The following BTNL9 variants were observed in gnomAD, a reference collection of about 807,000 sequenced individuals.
BTNL9 encodes the protein butyrophilin like 9, also known as butyrophilin-like protein 9.
Under a neutral mutation model 45.8 loss-of-function variants are expected in BTNL9, and 45 were observed. The observed-to-expected ratio is 0.98, with a 90% confidence interval of 0.77 to 1.26. The LOEUF is 1.26. Ranked by LOEUF, BTNL9 falls within the 50% of genes most tolerant of loss-of-function variation. BTNL9 has a pLI of 0.00. For missense variants in BTNL9, 784 were observed against 729.7 expected, an observed-to-expected ratio of 1.07 and a Z score of -0.86; for synonymous variants, 346 against 330.8, an observed-to-expected ratio of 1.05 and a Z score of -0.50.
intron 9 of BTNL9, 79 bp downstream of exon 9, chr5:181,056,094 C>A: frequency 6.6e-7 from 1 of 1,519,634 alleles, no homozygotes; most frequent in Non-Finnish European, 9.1e-7. Context: ...ATTAACCAAT[C>A]AGGCTTCATT....
chr5:181,057,040 G>A (rs1196192249), intron 9 of BTNL9: 1 of 156,696 alleles, frequency 6.4e-6, no homozygotes, highest in Non-Finnish European at 1.4e-5. Context: ...GTGTGTGTGT[G>A]TGTGAGATTA....
rs184114719 is a variant in BTNL9, at chr5:181,045,439, G to A, written c.-23-28G>A. On this transcript the variant is annotated intron_variant, in intron 1 of 10. Transcript: ENST00000327705. Reference sequence around the variant, plus strand: ...CCAGCTCCCCCTACCTTTGCACGTCGCTCCAGCACCCCTTTGTCCCTCTCC... The same window carrying A: ...CCAGCTCCCCCTACCTTTGCACGTCACTCCAGCACCCCTTTGTCCCTCTCC... The A allele has an allele frequency of 3.2e-4, 388 of 1,228,164 alleles. 2 individuals are homozygous for A. Among genetic ancestry groups the A allele is most frequent in the Middle Eastern group, 1.5e-3 (8 of 5,368 alleles). 76.1% of individuals were successfully genotyped at this position (1,228,164 alleles called of 1,614,324 possible). A position where few individuals can be genotyped will look rare whatever the true frequency, so the allele number is the denominator to read the frequency against.
At position 181,060,618 on chromosome 5, in the gene BTNL9, G is replaced by T. The variant is rs929801547; in HGVS notation, c.*756G>T. Reference sequence around the variant, plus strand: ...CTTTTTAAAAAGGAGAAACAGGAAGGTTTCTTTTGGAGGTGAAATCTAATT... The same window carrying T: ...CTTTTTAAAAAGGAGAAACAGGAAGTTTTCTTTTGGAGGTGAAATCTAATT... On this transcript the variant is annotated 3_prime_UTR_variant, in exon 11 of 11. Coordinates refer to ENST00000327705, the MANE Select transcript of BTNL9 (RefSeq NM_152547.5). 6.6e-6 allele frequency: 1 copy of T among 152,206 alleles called. No homozygotes were observed. Among genetic ancestry groups the T allele is most frequent in the Admixed American group, 6.5e-5 (1 of 15,282 alleles). 9.4% of individuals were successfully genotyped at this position (152,206 alleles called of 1,614,324 possible).
intron 3 of BTNL9, among the ~76,000 whole-genome samples, chr5:181,048,890 A>G (rs1188127491): frequency 1.7e-5 from 1 of 57,526 alleles, no homozygotes; most frequent in African/African-American, 5.0e-5. Flanking sequence ...TATATCATAT[A>G]TATGATATAT....
At chr5:181,044,449 A>C (rs890289303) in intron 1 of BTNL9, among the ~76,000 whole-genome samples, 4 of 152,198 alleles carry the variant, frequency 2.6e-5, no homozygotes, top group Admixed American at 1.3e-4. Context: ...CAAGGGGTGC[A>C]GTCCCAGGAC....
In BTNL9 at chr5:181,060,786, C is replaced by T. The variant is rs1444743235; in HGVS notation, c.*924C>T. 1 of 152,156 alleles carries T rather than the reference C, an allele frequency of 6.6e-6. No homozygotes were observed. Among genetic ancestry groups the T allele is most frequent in the African/African-American group, 2.4e-5 (1 of 41,420 alleles). 9.4% of individuals were successfully genotyped at this position (152,156 alleles called of 1,614,324 possible). On this transcript the variant is annotated 3_prime_UTR_variant, in exon 11 of 11. Coordinates refer to ENST00000327705, the MANE Select transcript of BTNL9 (RefSeq NM_152547.5). ...TCCAAGTGATTAAATTTAACATCAT[C>T]AATGATGGGACCAAGGACATTATTA...
At chr5:181,045,643 C>G in intron 2 of BTNL9, 45 bp downstream of exon 2, 1 of 1,477,584 alleles carries the variant, frequency 6.8e-7, no homozygotes, top group Non-Finnish European at 9.5e-7. Context: ...AACGCCACCC[C>G]TCCTGCCAGG....
intron 3 of BTNL9, 89 bp downstream of exon 3, chr5:181,048,360 G>A: frequency 8.1e-7 from 1 of 1,235,688 alleles, no homozygotes; most frequent in Non-Finnish European, 1.1e-6. Context: ...ACAGAAGAAT[G>A]TCGGTGATTT....
intron 2 of BTNL9, among the ~76,000 whole-genome samples, chr5:181,047,304 C>G (rs190363704): frequency 5.9e-5 from 9 of 152,242 alleles, no homozygotes; most frequent in Admixed American, 5.2e-4. Context: ...AAGATCCCAA[C>G]AAATGAGTCT....
chr5:181,043,089 T>TAAG (rs1760864908), intron 1 of BTNL9, among the ~76,000 whole-genome samples: 1 of 152,036 alleles, frequency 6.6e-6, no homozygotes, highest in African/African-American at 2.4e-5. Context: ...GACCTATTAG[T>TAAG]AATAATAATA....
intron 2 of BTNL9, among the ~76,000 whole-genome samples, chr5:181,045,834 C>A (rs113264774): frequency 0.036 from 4,459 of 122,722 alleles, 79 homozygotes; most frequent in Middle Eastern, 0.08. Flanking sequence ...CAGCCCTCAA[C>A]ACCTCCTCCA....
At chr5:181,057,468 A>T (rs1476312239) in intron 9 of BTNL9, among the ~76,000 whole-genome samples, 1 of 152,150 alleles carries the variant, frequency 6.6e-6, no homozygotes, top group Non-Finnish European at 1.5e-5. Context: ...TGCATATTGG[A>T]TTCCCATCTC....
chr5:181,059,163 T>G, intron 10 of BTNL9, 74 bp from the exon 11 acceptor site: 2 of 1,407,772 alleles, frequency 1.4e-6, no homozygotes, highest in Non-Finnish European at 1.8e-6. Context: ...AACGAGAGGT[T>G]TGTCCGCCTT....
At chr5:181,047,643 A>G (rs1410880234) in intron 2 of BTNL9, 5 of 601,180 alleles carry the variant, frequency 8.3e-6, no homozygotes, top group Non-Finnish European at 1.2e-5. Context: ...TCATATTTAC[A>G]TAATTGTCCC....
chr5:181,053,404 CG>C lies in BTNL9; in HGVS notation c.854-62del. ...AGGCGCCTCCCCCCAGGACGCGGCG[CG>C]GGAAGGCGGCCTGGAAGGGGCGGGG... On this transcript the variant is annotated intron_variant, in intron 5 of 10. Transcript: ENST00000327705. This position sits in a 1 kb window ranked among gnomAD's most constrained non-coding sequence, Gnocchi z 6.5. 6.5e-7 allele frequency: 1 copy of C among 1,535,886 alleles called. No individual in the cohort carries two copies. The highest frequency in any genetic ancestry group is 1.2e-5 in the South Asian group (1 of 82,170).
chr5:181,053,450 C>A lies in BTNL9; in HGVS notation c.854-19C>A, dbSNP rs767973902. The stretch of plus-strand genomic sequence containing the variant: ...GCGGGGGCGCGCACTCAGCCCTCTC[C>A]GCTCCCGTTTCCCTTCAGAAAAGCT... On this transcript the variant is annotated intron_variant, in intron 5 of 10. Coordinates refer to ENST00000327705, the MANE Select transcript of BTNL9 (RefSeq NM_152547.5). This position sits in a 1 kb window ranked among gnomAD's most constrained non-coding sequence, Gnocchi z 6.5. 1.9e-6 allele frequency: 3 copies of A among 1,562,416 alleles called. No individual in the cohort carries two copies. The highest frequency in any genetic ancestry group is 4.7e-5 in the East Asian group (2 of 42,242).
chr5:181,041,054 C>T (rs890645274), intron 1 of BTNL9, among the ~76,000 whole-genome samples: 3 of 152,228 alleles, frequency 2.0e-5, no homozygotes, highest in African/African-American at 7.2e-5. Context: ...AAAAATACTT[C>T]CTGTGTTTGG....
chr5:181,048,896 T>C (rs1039391856), intron 3 of BTNL9, among the ~76,000 whole-genome samples: 2 of 143,328 alleles, frequency 1.4e-5, no homozygotes, highest in Admixed American at 1.4e-4. Context: ...ATATATATGA[T>C]ATATAAATAT....
At chr5:181,048,312 T>A (rs1264974810) in intron 3 of BTNL9, 41 bp downstream of exon 3, 2 of 1,523,100 alleles carry the variant, frequency 1.3e-6, no homozygotes, top group Admixed American at 3.7e-5. Flanking sequence ...GAGAGGGAGA[T>A]CCAGGTGCTT....
Sources: gnomAD v4.1 joint callset for allele counts (sites outside exome capture counted in the v4.1 genomes callset) on GRCh38, gnomAD v4.1.1 for gene constraint, Gnocchi (gnomAD v3.1) non-coding constraint, MANE v1.5 for transcripts, NCBI Gene and HGNC (gene_info 2026-07-23, HGNC 2026-07-21) for gene names.